Variants in ZNF880 observed in about 807,000 individuals in gnomAD.
The protein encoded by ZNF880 is zinc finger protein LOC400713.
ZNF880 carries 12 observed loss-of-function variants against 11.8 expected under a neutral mutation model. The ratio of observed to expected loss-of-function variants is 1.02; its 90% CI spans 0.65 to 1.65. ZNF880 has a LOEUF of 1.65. Among genes scored for constraint, ZNF880 ranks in the 40% most tolerant of loss-of-function variants. The pLI is 0.00. For synonymous variants in ZNF880, 210 were observed against 232.4 expected, an observed-to-expected ratio of 0.90 and a Z score of 0.88; for missense variants, 601 against 673.9, an observed-to-expected ratio of 0.89 and a Z score of 1.20.
intron 1 of ZNF880, among the ~76,000 whole-genome samples, 176 bp from the exon 2 acceptor site, chr19:52,372,931 AAAAG>A (rs1986429152): frequency 1.3e-5 from 2 of 151,192 alleles, no homozygotes; most frequent in African/African-American, 2.4e-5. Flanking sequence ...AAAAAAAAAA[AAAAG>A]AATGTCATAA....
Position 52,385,004 on chromosome 19 carries a change from G to A in ZNF880, c.1424G>A (p.Arg475Gln), listed in dbSNP as rs745648239. 12 of 1,560,022 alleles carry A rather than the reference G, an allele frequency of 7.7e-6. No individual in the cohort carries two copies. The highest frequency in any genetic ancestry group is 1.2e-5 in the South Asian group (1 of 85,022). ...GATGAATGTGGCAAGGACTTCACTC[G>A]AAATTCAAACCTTGCAAATCATCAC... ...RCDECGKDFT[R>Q]NSNLANHHRI... Residue 475 changes from arginine to glutamine, a missense_variant, in exon 4 of 4, where the codon CGA becomes CAA. Arg to Gln is a conservative substitution (Grantham distance 43). Transcript: ENST00000422689.
At chr19:52,376,493 A>T (rs1362233165) in intron 3 of ZNF880, among the ~76,000 whole-genome samples, 1 of 104,410 alleles carries the variant, frequency 9.6e-6, no homozygotes, top group Non-Finnish European at 1.8e-5. Context: ...TGTCCTTAGC[A>T]CCGCCCCCCC....
At chr19:52,396,995 T>TG in the ZNF880 span, 1 of 152,188 alleles carries the variant, frequency 6.6e-6, no homozygotes, top group East Asian at 1.9e-4. Context: ...CTCTGGAGGC[T>TG]GGGGCAAGAG....
chr19:52,388,109 ACCT>A (rs1252810796), downstream of ZNF880, among the ~76,000 whole-genome samples: 1 of 105,102 alleles, frequency 9.5e-6, no homozygotes. Flanking sequence ...CAAACTCCTG[ACCT>A]TGTGATCCAC....
downstream of ZNF880, among the ~76,000 whole-genome samples, chr19:52,386,612 G>C (rs191341952): frequency 1.8e-4 from 26 of 142,740 alleles, 3 homozygotes; most frequent in East Asian, 4.9e-3. Context: ...GACCAGCCTG[G>C]TCAATATCTC....
chr19:52,385,229 G>A lies in ZNF880; in HGVS notation c.1649G>A (p.Cys550Tyr), dbSNP rs748803798. ...RIHTGEKPYR[C>Y]HECGKDFTRN... ...CATACTGGGGAGAAACCGTACAGATGTCATGAATGTGGTAAGGACTTCACT... is the reference window on the plus strand; with the variant it reads ...CATACTGGGGAGAAACCGTACAGATATCATGAATGTGGTAAGGACTTCACT... Residue 550 changes from cysteine (C) to tyrosine (Y), a missense_variant, in exon 4 of 4, where the codon TGT (cysteine) becomes TAT (tyrosine). Cys to Tyr is a radical substitution (Grantham distance 194, BLOSUM62 -2). Around this residue, in one of 3 missense-constraint regions of ZNF880, gnomAD observed 177 missense variants for 214.5 expected, o/e 0.83. Coordinates refer to ENST00000422689, the MANE Select transcript of ZNF880 (RefSeq NM_001145434.2). 8.0e-5 allele frequency: 124 copies of A among 1,551,814 alleles called. No homozygotes were observed. Among genetic ancestry groups the A allele is most frequent in the Non-Finnish European group, 1.1e-4 (121 of 1,147,198 alleles).
upstream of ZNF880, chr19:52,369,875 C>T (rs1349229432): frequency 2.0e-6 from 3 of 1,519,422 alleles, no homozygotes; most frequent in African/African-American, 2.8e-5. Flanking sequence ...CAGGCTCCGC[C>T]CAATCCCACC....
At chr19:52,397,236 C>G in the ZNF880 span, 1 of 151,842 alleles carries the variant, frequency 6.6e-6, no homozygotes, top group Admixed American at 6.6e-5. Context: ...AGGAAAGTCT[C>G]TGGAATTGAG....
At chr19:52,387,243 T>C (rs1986909204), downstream of ZNF880, among the ~76,000 whole-genome samples, 1 of 143,864 alleles carries the variant, frequency 7.0e-6, no homozygotes. Context: ...CACACACTTG[T>C]GGTGCATATC....
At chr19:52,376,102 T>C (rs1436192499) in intron 3 of ZNF880, among the ~76,000 whole-genome samples, 2 of 152,208 alleles carry the variant, frequency 1.3e-5, no homozygotes, top group Non-Finnish European at 2.9e-5. Context: ...TATTTTTGCA[T>C]TTGTGAATTG....
chr19:52,382,598 T>G (rs1229236042), intron 3 of ZNF880, among the ~76,000 whole-genome samples: 1 of 152,184 alleles, frequency 6.6e-6, no homozygotes, highest in Non-Finnish European at 1.5e-5. Context: ...ATTTTCAACA[T>G]TTCCTCTCAC....
At chr19:52,370,073 C>G (rs1233827795) in intron 1 of ZNF880, 96 bp downstream of exon 1, 5 of 1,448,912 alleles carry the variant, frequency 3.5e-6, no homozygotes, top group Non-Finnish European at 4.7e-6. Flanking sequence ...TTGAAATCCC[C>G]GCATCGCTCC....
chr19:52,376,496 GC>G (rs772625389), intron 3 of ZNF880, among the ~76,000 whole-genome samples: 1,367 of 50,982 alleles, frequency 0.027, 2 homozygotes, highest in East Asian at 0.055. Flanking sequence ...CCTTAGCACC[GC>G]CCCCCCCCCC....
chr19:52,372,779 G>A (rs1225649814), intron 1 of ZNF880, among the ~76,000 whole-genome samples: 2 of 150,034 alleles, frequency 1.3e-5, no homozygotes, highest in Non-Finnish European at 3.0e-5. Context: ...GCGTGGTGGC[G>A]GGCGCCTGTA....
downstream of ZNF880, chr19:52,390,210 T>C (rs1012117672): frequency 3.8e-5 from 7 of 184,734 alleles, no homozygotes; most frequent in Non-Finnish European, 8.4e-5. Flanking sequence ...AATCCTTCAG[T>C]GTCCCCTGCA....
At chr19:52,368,973 CAAAAAAAAAAAA>C (rs3029482), upstream of ZNF880, among the ~76,000 whole-genome samples, 1 of 71,854 alleles carries the variant, frequency 1.4e-5, no homozygotes, top group Non-Finnish European at 2.5e-5. Flanking sequence ...GAGACCATCT[CAAAAAAAAAAAA>C]AAAAAAAAAA....
intron 3 of ZNF880, among the ~76,000 whole-genome samples, chr19:52,376,509 C>CTTTTTTTTTTTTTTTTTTT (rs869288387): frequency 3.4e-5 from 2 of 58,324 alleles, no homozygotes; most frequent in African/African-American, 7.3e-5. Context: ...CCCCCCCCCC[C>CTTTTTTTTTTTTTTTTTTT]TTTTTTTTTT....
chr19:52,382,095 G>A (rs11084152), intron 3 of ZNF880, among the ~76,000 whole-genome samples: 54,740 of 151,676 alleles, frequency 0.36, 10,121 homozygotes, highest in South Asian at 0.51. Context: ...CTGACATGGC[G>A]AAACCCCGTC....
At chr19:52,371,055 G>A (rs1034321925) in intron 1 of ZNF880, among the ~76,000 whole-genome samples, 3 of 152,218 alleles carry the variant, frequency 2.0e-5, no homozygotes, top group Non-Finnish European at 4.4e-5. Flanking sequence ...TACATGTGAT[G>A]TGTGTGGATG....
Sources: allele counts gnomAD v4.1 joint callset (sites outside exome capture counted in the v4.1 genomes callset), GRCh38; gene constraint gnomAD v4.1.1; regional missense constraint gnomAD v4.1.1; transcripts MANE v1.5; gene names NCBI Gene and HGNC (gene_info 2026-07-23, HGNC 2026-07-21).